Variants in DNAH6 observed in about 807,000 individuals in gnomAD.
The protein encoded by DNAH6 is axonemal beta dynein heavy chain 6.
In DNAH6, 340 loss-of-function variants were observed where a neutral mutation model predicts 491.4. The ratio of observed to expected loss-of-function variants is 0.69; its 90% CI spans 0.63 to 0.76. DNAH6 has a LOEUF of 0.76. Ranked by LOEUF, DNAH6 falls within the 30% of genes least tolerant of loss-of-function variation. DNAH6 has a pLI of 0.00. For missense variants in DNAH6, 4,443 were observed against 4,972.2 expected (o/e 0.89, Z 3.20); for synonymous variants, 1,603 against 1,686.1 (o/e 0.95, Z 1.21).
In DNAH6 at chr2:84,619,704, G is replaced by A. The variant is rs373745652; in HGVS notation, c.3592G>A (p.Asp1198Asn). The A allele has an allele frequency of 6.4e-7, 1 of 1,551,320 alleles. No individual in the cohort carries two copies. Among genetic ancestry groups the A allele is most frequent in the African/African-American group, 1.4e-5 (1 of 72,982 alleles). ...ATCCAGGTTTTACTTCTTGTCAAAT[G>A]ATGAACTTCTGGAGATTTTGGCCCA... ...IFPRFYFLSNDELLEILAQTR... is the reference protein window; with the variant it reads ...IFPRFYFLSNNELLEILAQTR... Residue 1198 changes from aspartate to asparagine, a missense_variant, in exon 24 of 77, where the codon GAT (aspartate) becomes AAT (asparagine). Asp to Asn is a conservative substitution (Grantham distance 23). Around this residue, in one of 3 missense-constraint regions of DNAH6, gnomAD observed 2,977 missense variants for 3,296.6 expected, o/e 0.90. Transcript: ENST00000389394.
intron 68 of DNAH6, among the ~76,000 whole-genome samples, chr2:84,796,013 G>A (rs3754911): frequency 6.6e-6 from 1 of 152,068 alleles, no homozygotes; most frequent in Non-Finnish European, 1.5e-5. Context: ...GTATTTCAAA[G>A]CAAAAGAACA....
chr2:84,567,653 T>C (rs982851934), intron 11 of DNAH6, among the ~76,000 whole-genome samples: 8 of 152,158 alleles, frequency 5.3e-5, no homozygotes, highest in Non-Finnish European at 1.2e-4. Context: ...TAACTCAAGA[T>C]GGATTAAAGA....
At chr2:84,701,449 A>G in intron 49 of DNAH6, 110 bp downstream of exon 49, 3 of 1,106,380 alleles carry the variant, frequency 2.7e-6, no homozygotes, top group Non-Finnish European at 3.8e-6. Context: ...GTATTAGTCC[A>G]TTCTCGCACT....
chr2:84,636,051 C>T (rs898401402), intron 30 of DNAH6, among the ~76,000 whole-genome samples: 20 of 152,164 alleles, frequency 1.3e-4, no homozygotes, highest in African/African-American at 4.6e-4. Context: ...CCAACTTACA[C>T]CTCTTGAATT....
chr2:84,778,108 G>A (rs1573781287), intron 64 of DNAH6: 1 of 796,444 alleles, frequency 1.3e-6, no homozygotes, highest in East Asian at 2.4e-5. Context: ...CCCGTCAGTT[G>A]TGGCATGGCA....
chr2:84,522,117 T>C (rs1676205866), intron 2 of DNAH6, among the ~76,000 whole-genome samples: 1 of 152,176 alleles, frequency 6.6e-6, no homozygotes, highest in African/African-American at 2.4e-5. Flanking sequence ...CATGGAATGT[T>C]TTTTCATTTG....
At chr2:84,552,675 T>C (rs1679512798) in intron 9 of DNAH6, among the ~76,000 whole-genome samples, 1 of 152,184 alleles carries the variant, frequency 6.6e-6, no homozygotes, top group African/African-American at 2.4e-5. Flanking sequence ...TCCCAGTTTG[T>C]TTGCCTTTCC....
chr2:84,635,579 G>A (rs558834506), intron 30 of DNAH6, among the ~76,000 whole-genome samples: 2 of 152,300 alleles, frequency 1.3e-5, no homozygotes, highest in Admixed American at 1.3e-4. Context: ...TGAAAGCAAA[G>A]TATATGGAGT....
At chr2:84,463,131 G>A in the DNAH6 span, among the ~76,000 whole-genome samples, 1 of 152,318 alleles carries the variant, frequency 6.6e-6, no homozygotes, top group Middle Eastern at 3.4e-3. Context: ...ATTCCAAAGA[G>A]AGAATAGAAC....
At chr2:84,805,940 A>C (rs1279631565) in intron 71 of DNAH6, 146 bp downstream of exon 71, 3 of 670,870 alleles carry the variant, frequency 4.5e-6, no homozygotes, top group Non-Finnish European at 7.1e-6. Flanking sequence ...CTCTTCATTT[A>C]TAGACTAGAA....
In DNAH6 at chr2:84,664,045, T is replaced by C. The variant is rs146061817; in HGVS notation, c.6084+4876T>C. On this transcript the variant is annotated intron_variant, in intron 37 of 76. Coordinates refer to ENST00000389394, the MANE Select transcript of DNAH6 (RefSeq NM_001370.2). Reference sequence around the variant, plus strand: ...TAAAAATCCTTTACAGACAAGCAAATACTGAGAGATTTTGTCACCACCAGG... The same window carrying C: ...TAAAAATCCTTTACAGACAAGCAAACACTGAGAGATTTTGTCACCACCAGG... 4.0e-3 allele frequency among the ~76,000 whole-genome samples: 606 copies of C among 152,076 alleles called. 4 individuals carry two copies. Among genetic ancestry groups the C allele is most frequent in the Non-Finnish European group, 7.6e-3 (518 of 67,996 alleles).
intron 11 of DNAH6, among the ~76,000 whole-genome samples, chr2:84,559,427 A>C (rs1213950941): frequency 6.6e-6 from 1 of 152,184 alleles, no homozygotes; most frequent in Non-Finnish European, 1.5e-5. Flanking sequence ...GCAAAACAAA[A>C]AAGAACCTAC....
chr2:84,699,924 A>G (rs191128260), intron 48 of DNAH6, among the ~76,000 whole-genome samples, 190 bp downstream of exon 48: 62 of 149,782 alleles, frequency 4.1e-4, no homozygotes, highest in Non-Finnish European at 8.3e-4. Context: ...GTAAGAGACC[A>G]TTGAATTTAG....
the DNAH6 span, among the ~76,000 whole-genome samples, chr2:84,482,087 T>A: frequency 1.3e-5 from 2 of 152,146 alleles, no homozygotes; most frequent in Non-Finnish European, 2.9e-5. Flanking sequence ...TAGCAACTTT[T>A]TTTGCCAAAG....
Position 84,588,846 on chromosome 2 carries a change from CT to C in DNAH6, c.2503del (p.Ser835LeufsTer7), listed in dbSNP as rs1683818152. 6.5e-7 allele frequency: 1 copy of C among 1,544,706 alleles called. No homozygotes were observed. Among genetic ancestry groups the C allele is most frequent in the South Asian group, 1.2e-5 (1 of 81,994 alleles). The stretch of plus-strand genomic sequence containing the variant: ...TATAGGATCCACAGATTTTAGATAT[CT>C]CTGCTGACCAAGACAAAATAAGGCT... ...QAQDPQILDI[S>X]ADQDKIRLIL... is the part of the protein sequence containing the mutation. On this transcript the variant is annotated frameshift_variant, in exon 16 of 77. Coordinates refer to ENST00000389394, the MANE Select transcript of DNAH6 (RefSeq NM_001370.2). LOFTEE classifies it high-confidence loss of function.
intron 29 of DNAH6, among the ~76,000 whole-genome samples, chr2:84,633,101 G>A (rs1021795314): frequency 1.3e-5 from 2 of 152,122 alleles, no homozygotes; most frequent in African/African-American, 2.4e-5. Flanking sequence ...GTATGCACAC[G>A]GAGCAGCCAG....
At chr2:84,768,543 A>G (rs1442342218) in intron 64 of DNAH6, among the ~76,000 whole-genome samples, 1 of 152,118 alleles carries the variant, frequency 6.6e-6, no homozygotes, top group Non-Finnish European at 1.5e-5. Flanking sequence ...GAATAGTCCA[A>G]TAATTTTAAA....
intron 5 of DNAH6, among the ~76,000 whole-genome samples, chr2:84,545,879 G>A (rs1038573189): frequency 2.0e-5 from 3 of 151,936 alleles, no homozygotes; most frequent in Admixed American, 6.6e-5. Flanking sequence ...GTTGGCACCC[G>A]TGCCTATGTC....
chr2:84,647,948 G>C (rs1443528779), intron 33 of DNAH6, among the ~76,000 whole-genome samples: 1 of 152,136 alleles, frequency 6.6e-6, no homozygotes, highest in African/African-American at 2.4e-5. Context: ...GTTGGCCCAA[G>C]ATTCATTTGA....
Sources: gnomAD v4.1 joint callset for allele counts (sites outside exome capture counted in the v4.1 genomes callset) on GRCh38, gnomAD v4.1.1 for gene constraint, gnomAD v4.1.1 regional missense constraint, MANE v1.5 for transcripts, NCBI Gene and HGNC (gene_info 2026-07-23, HGNC 2026-07-21) for gene names.